TCF12: variants seen among roughly 807,000 people sequenced by gnomAD.
TCF12 encodes the protein DNA-binding protein HTF4.
A neutral mutation model predicts 86.0 loss-of-function variants in TCF12; 45 were observed. The ratio of observed to expected loss-of-function variants is 0.52; its 90% CI spans 0.41 to 0.67. The LOEUF (loss-of-function observed/expected upper bound fraction) is 0.67, where lower values mean the gene tolerates loss of function less well. TCF12 is among the 30% of genes least tolerant of loss of function. The pLI is 0.00. For missense variants in TCF12, 881 were observed against 859.9 expected (o/e 1.02, Z -0.31); for synonymous variants, 330 against 299.6 (o/e 1.10, Z -1.05).
intron 5 of TCF12, among the ~76,000 whole-genome samples, chr15:57,111,684 CG>C (rs1219313113): frequency 6.6e-6 from 1 of 151,082 alleles, no homozygotes; most frequent in African/African-American, 2.4e-5. Context: ...CTCTGCCTAC[CG>C]GGCTCAAGTG....
chr15:57,119,061 G>T (rs1169891578), intron 5 of TCF12, among the ~76,000 whole-genome samples: 2 of 151,914 alleles, frequency 1.3e-5, no homozygotes, highest in Admixed American at 6.6e-5. Context: ...TTAATGAAGG[G>T]CTATTTATTT....
At chr15:57,233,351 T>C (rs1345883504) in intron 11 of TCF12, among the ~76,000 whole-genome samples, 1 of 151,796 alleles carries the variant, frequency 6.6e-6, no homozygotes, top group Non-Finnish European at 1.5e-5. Flanking sequence ...AATTTTTTTT[T>C]ACTTTTTGTT....
At chr15:57,047,923 A>T (rs2470083) in intron 3 of TCF12, among the ~76,000 whole-genome samples, 124,300 of 152,148 alleles carry the variant, frequency 0.82, 51,259 homozygotes, top group African/African-American at 0.93. Flanking sequence ...ACTACAAACC[A>T]GTACCCTATG....
At chr15:57,256,543 T>TCCCCCCCCCCC (rs1566997445) in intron 16 of TCF12, among the ~76,000 whole-genome samples, 5 of 138,160 alleles carry the variant, frequency 3.6e-5, no homozygotes, top group African/African-American at 5.3e-5. Flanking sequence ...TGGAATCGAT[T>TCCCCCCCCCCC]CCCCACCCCC....
At chr15:57,033,049 G>A (rs757405526) in intron 3 of TCF12, among the ~76,000 whole-genome samples, 11 of 152,000 alleles carry the variant, frequency 7.2e-5, no homozygotes, top group Non-Finnish European at 1.2e-4. Context: ...AAAAAGCTGC[G>A]GATGGACTCA....
chr15:57,062,684 A>G (rs771132663), intron 3 of TCF12, among the ~76,000 whole-genome samples: 6 of 152,226 alleles, frequency 3.9e-5, no homozygotes, highest in Non-Finnish European at 8.8e-5. Context: ...AATTTATTAC[A>G]TACCACATTC....
chr15:57,211,251 A>T (rs569861883), intron 8 of TCF12, among the ~76,000 whole-genome samples: 1 of 152,070 alleles, frequency 6.6e-6, no homozygotes, highest in Admixed American at 6.6e-5. Context: ...TTGTTTTACT[A>T]TTTTGTTCAA....
chr15:57,113,350 T>A (rs1223993709), intron 5 of TCF12, among the ~76,000 whole-genome samples: 3 of 152,218 alleles, frequency 2.0e-5, no homozygotes, highest in African/African-American at 4.8e-5. Flanking sequence ...GCAGCATACC[T>A]TAGTACCATT....
At position 57,091,774 on chromosome 15, in the gene TCF12, T is replaced by A. The variant is rs1433984070; in HGVS notation, c.223-15T>A. ...AAATAATCTCTTTAATACTCTGATC[T>A]TTTTCTCCCCCTAGGGTTTTACAGA... On this transcript the variant is annotated splice_polypyrimidine_tract_variant and intron_variant, in intron 4 of 20. Coordinates refer to ENST00000333725, the MANE Select transcript of TCF12 (RefSeq NM_207037.2). 3.7e-6 allele frequency: 6 copies of A among 1,602,290 alleles called. No individual in the cohort carries two copies. Among genetic ancestry groups the A allele is most frequent in the Non-Finnish European group, 5.1e-6 (6 of 1,169,822 alleles).
chr15:57,229,204 C>A (rs1302668661), intron 8 of TCF12, among the ~76,000 whole-genome samples: 2 of 151,928 alleles, frequency 1.3e-5, no homozygotes, highest in African/African-American at 2.4e-5. Context: ...AGAAAATAGT[C>A]CAAAGTTCCT....
At chr15:57,205,724 TA>T (rs1423400675) in intron 8 of TCF12, among the ~76,000 whole-genome samples, 1 of 152,218 alleles carries the variant, frequency 6.6e-6, no homozygotes, top group African/African-American at 2.4e-5. Context: ...CATACATTAA[TA>T]AGAAGTAGCC....
chr15:57,085,809 C>T (rs1483817040), intron 4 of TCF12, among the ~76,000 whole-genome samples: 5 of 152,144 alleles, frequency 3.3e-5, no homozygotes, highest in Admixed American at 2.6e-4. Context: ...CCAGAACTTT[C>T]TGATGGCTTA....
rs1456252594 is a variant in TCF12, at chr15:57,091,854, C to T, written c.288C>T (p.Gly96=). 4 of 1,613,722 alleles carry T rather than the reference C, an allele frequency of 2.5e-6. No homozygotes were observed. The highest frequency in any genetic ancestry group is 1.1e-5 in the South Asian group (1 of 91,078). The change falls in exon 5 of 21, where the codon GGC becomes GGT. Residue 96 remains glycine (G), a synonymous_variant. Transcript: ENST00000333725. ...LNDSRLGAHE[G]LSPTPFMNSN... is the part of the protein sequence containing the mutation. ...ACAGTCGATTAGGAGCCCATGAAGGCTTGTCCCCAACACCTTTCATGAACT... is the reference window on the plus strand; with the variant it reads ...ACAGTCGATTAGGAGCCCATGAAGGTTTGTCCCCAACACCTTTCATGAACT...
intron 19 of TCF12, among the ~76,000 whole-genome samples, chr15:57,279,693 C>T (rs1240841504): frequency 1.3e-5 from 2 of 152,064 alleles, no homozygotes; most frequent in African/African-American, 2.4e-5. Flanking sequence ...CTCATCATGT[C>T]TCCTAGATCC....
intron 5 of TCF12, among the ~76,000 whole-genome samples, chr15:57,157,073 T>G (rs1290565362): frequency 1.3e-5 from 2 of 152,212 alleles, no homozygotes; most frequent in Non-Finnish European, 2.9e-5. Flanking sequence ...TTTGGTGATG[T>G]GATTGTTACT....
intron 3 of TCF12, among the ~76,000 whole-genome samples, chr15:56,997,782 A>T (rs182979845): frequency 6.6e-6 from 1 of 152,370 alleles, no homozygotes; most frequent in Admixed American, 6.5e-5. Context: ...GTTTGTCAAG[A>T]GTCCATAGAA....
chr15:56,975,482 T>A (rs1213181950), intron 3 of TCF12, among the ~76,000 whole-genome samples: 1 of 152,222 alleles, frequency 6.6e-6, no homozygotes, highest in Admixed American at 6.5e-5. Context: ...ACATAATGAT[T>A]GAAATTTCTT....
Position 57,257,774 on chromosome 15 carries a change from G to A in TCF12, c.1467+4306G>A, listed in dbSNP as rs1248518061. Among the ~76,000 whole-genome samples the A allele has an allele frequency of 2.0e-5, 3 of 151,832 alleles. No homozygotes were observed. The East Asian group carries it at 5.8e-4, about 29-fold the overall frequency. ...GTGATCAAGGTTACTAGCAGTGTAA[G>A]GTCTACACGGACACAGTAACCATTT... On this transcript the variant is annotated intron_variant, in intron 16 of 20. Coordinates refer to ENST00000333725, the MANE Select transcript of TCF12 (RefSeq NM_207037.2).
chr15:57,074,111 T>C (rs2069662647), intron 4 of TCF12, among the ~76,000 whole-genome samples: 1 of 152,068 alleles, frequency 6.6e-6, no homozygotes, highest in African/African-American at 2.4e-5. Flanking sequence ...AATTCGTATT[T>C]TATGTATTAA....
Sources: gnomAD v4.1 joint callset for allele counts (sites outside exome capture counted in the v4.1 genomes callset) on GRCh38, gnomAD v4.1.1 for gene constraint, MANE v1.5 for transcripts, NCBI Gene and HGNC (gene_info 2026-07-23, HGNC 2026-07-21) for gene names.